NDST3: variants seen among roughly 807,000 people sequenced by gnomAD.
NDST3 encodes the protein N-deacetylase and N-sulfotransferase 3, also known as bifunctional heparan sulfate N-deacetylase/N-sulfotransferase 3.
In NDST3, 58 loss-of-function variants were observed where a neutral mutation model predicts 96.1. The observed-to-expected ratio is 0.60, with a 90% CI of 0.49 to 0.75. NDST3 has a LOEUF of 0.75. Ranked by LOEUF, NDST3 falls within the 30% of genes least tolerant of loss-of-function variation. NDST3 has a pLI of 0.00. For missense variants in NDST3, 788 were observed against 1,034.2 expected (o/e 0.76, Z 3.27); for synonymous variants, 333 against 359.7 (o/e 0.93, Z 0.84).
At chr4:118,242,280 C>G (rs955843418) in intron 12 of NDST3, 131 bp downstream of exon 12, 2 of 556,804 alleles carry the variant, frequency 3.6e-6, no homozygotes, top group Non-Finnish European at 6.3e-6. Context: ...TTGACATTAA[C>G]CACGGAAAAA....
At chr4:118,134,925 C>A (rs552070786) in intron 4 of NDST3, among the ~76,000 whole-genome samples, 2 of 152,266 alleles carry the variant, frequency 1.3e-5, no homozygotes, top group South Asian at 2.1e-4. Context: ...TTAAGGTAGA[C>A]TTTTTGCCAC....
intron 1 of NDST3, among the ~76,000 whole-genome samples, chr4:118,046,503 C>G (rs1418173169): frequency 6.6e-6 from 1 of 152,194 alleles, no homozygotes; most frequent in Non-Finnish European, 1.5e-5. Context: ...TGCAGGCCTT[C>G]CAGCCTGCCA....
At chr4:118,088,316 G>A (rs1279854239) in intron 2 of NDST3, among the ~76,000 whole-genome samples, 2 of 152,034 alleles carry the variant, frequency 1.3e-5, no homozygotes, top group Non-Finnish European at 2.9e-5. Context: ...ATAATTTTCT[G>A]TGACTAAAAC....
intron 2 of NDST3, among the ~76,000 whole-genome samples, chr4:118,087,345 A>G (rs932221487): frequency 6.6e-6 from 1 of 152,138 alleles, no homozygotes; most frequent in Non-Finnish European, 1.5e-5. Context: ...TTTTTGCAAG[A>G]TCACTACGAA....
chr4:118,119,183 A>G (rs931182999), intron 4 of NDST3, among the ~76,000 whole-genome samples: 1 of 152,154 alleles, frequency 6.6e-6, no homozygotes, highest in Non-Finnish European at 1.5e-5. Flanking sequence ...GTGCAGCAGA[A>G]CCTGTTAATT....
At chr4:118,084,229 A>C in intron 2 of NDST3, among the ~76,000 whole-genome samples, 1 of 144,418 alleles carries the variant, frequency 6.9e-6, no homozygotes, top group African/African-American at 2.7e-5. Context: ...CTATAAAAAC[A>C]AAAAAAAAAT....
chr4:118,130,550 G>A (rs1732527794), intron 4 of NDST3, among the ~76,000 whole-genome samples: 2 of 151,888 alleles, frequency 1.3e-5, no homozygotes, highest in African/African-American at 4.8e-5. Context: ...TATTACTTTT[G>A]ATTGGTTCAT....
chr4:118,229,170 G>C (rs1005498451), intron 8 of NDST3, among the ~76,000 whole-genome samples: 1 of 152,126 alleles, frequency 6.6e-6, no homozygotes, highest in Non-Finnish European at 1.5e-5. Flanking sequence ...GCGTGGTGGC[G>C]TGCACCTGTA....
At position 118,138,215 on chromosome 4, in the gene NDST3, G is replaced by A. The variant is rs1733282719; in HGVS notation, c.1386G>A (p.Arg462=). Residue 462 remains arginine (R), a synonymous_variant, in exon 5 of 14, where the codon AGG becomes AGA. Transcript: ENST00000296499. ...YPHLKPARYR[R]GFIHKNIMVL... is the part of the protein sequence containing the mutation. ...ATCTGAAGCCAGCTAGATACCGGAG[G>A]GGTTTTATCCACAAAAACATCATGG... 2.5e-6 allele frequency: 4 copies of A among 1,613,626 alleles called. No individual in the cohort carries two copies. The highest frequency in any genetic ancestry group is 3.4e-6 in the Non-Finnish European group (4 of 1,179,786).
chr4:118,203,226 T>C (rs1303813336), intron 6 of NDST3, among the ~76,000 whole-genome samples: 2 of 152,216 alleles, frequency 1.3e-5, no homozygotes, highest in African/African-American at 4.8e-5. Flanking sequence ...AGTATTTTGT[T>C]GAGGATTTTC....
chr4:118,087,563 G>C (rs1728530852), intron 2 of NDST3, among the ~76,000 whole-genome samples: 1 of 152,090 alleles, frequency 6.6e-6, no homozygotes, highest in Non-Finnish European at 1.5e-5. Context: ...CTAGGAATTT[G>C]AGCCTGGCAC....
At chr4:118,055,210 C>G in intron 2 of NDST3, 1 of 327,610 alleles carries the variant, frequency 3.1e-6, no homozygotes. Flanking sequence ...AAAGCTATTA[C>G]TAATCTCAGA....
At chr4:118,179,280 C>T (rs1035054162) in intron 6 of NDST3, among the ~76,000 whole-genome samples, 1 of 151,980 alleles carries the variant, frequency 6.6e-6, no homozygotes, top group Non-Finnish European at 1.5e-5. Flanking sequence ...ATGAGAGACC[C>T]ATTGAAAGCG....
chr4:118,065,421 T>TA (rs1423394573), intron 2 of NDST3, among the ~76,000 whole-genome samples: 2 of 152,130 alleles, frequency 1.3e-5, no homozygotes, highest in Non-Finnish European at 2.9e-5. Context: ...GGGGAGCAAG[T>TA]AACTCTTCCT....
At chr4:118,201,805 C>CTTG (rs963121412) in intron 6 of NDST3, among the ~76,000 whole-genome samples, 18 of 151,738 alleles carry the variant, frequency 1.2e-4, no homozygotes, top group African/African-American at 3.9e-4. Context: ...TCCTTTTTGT[C>CTTG]TTGTTGTTGT....
intron 6 of NDST3, 150 bp downstream of exon 6, chr4:118,143,834 T>C: frequency 1.3e-6 from 1 of 788,388 alleles, no homozygotes; most frequent in Non-Finnish European, 1.9e-6. Context: ...TGGAACCACA[T>C]CTAGAAATGG....
At chr4:118,190,520 G>C (rs1737237213) in intron 6 of NDST3, among the ~76,000 whole-genome samples, 1 of 152,032 alleles carries the variant, frequency 6.6e-6, no homozygotes, top group Non-Finnish European at 1.5e-5. Context: ...AGTCATCTTG[G>C]GTCCCAAGTA....
intron 6 of NDST3, among the ~76,000 whole-genome samples, chr4:118,185,511 T>C (rs1363894577): frequency 6.6e-6 from 1 of 151,164 alleles, no homozygotes; most frequent in African/African-American, 2.4e-5. Flanking sequence ...TATATGTAGA[T>C]ATCATTAAAA....
In NDST3 at chr4:118,256,522, G is replaced by A. The variant is rs908479055; in HGVS notation, c.*810G>A. On this transcript the variant is annotated 3_prime_UTR_variant, in exon 14 of 14. Transcript: ENST00000296499. ...AATCCTCTAAAAGGGAGAAATTGTA[G>A]GGGTCTAAAAACATATCATCGAGAA... is the stretch of plus-strand genomic sequence containing the variant. 1 of 152,154 alleles carries A rather than the reference G, an allele frequency of 6.6e-6. No homozygotes were observed. The allele number at this position is 152,154 out of a possible 1,614,324, so 9.4% of individuals were successfully genotyped here.
Sources: allele counts gnomAD v4.1 joint callset (sites outside exome capture counted in the v4.1 genomes callset), GRCh38; gene constraint gnomAD v4.1.1; transcripts MANE v1.5; gene names NCBI Gene and HGNC (gene_info 2026-07-23, HGNC 2026-07-21).